Variants in ZNF532 observed in about 807,000 individuals in gnomAD.
ZNF532 encodes the protein zinc finger protein 532.
Under a neutral mutation model 89.3 loss-of-function variants are expected in ZNF532, and 22 were observed. That is an observed-to-expected ratio of 0.25 (90% CI 0.18 to 0.35). The LOEUF (loss-of-function observed/expected upper bound fraction) is 0.35. Among genes scored for constraint, ZNF532 ranks in the 10% least tolerant of loss-of-function variants. The pLI, the probability that ZNF532 is intolerant of heterozygous loss-of-function variation, is 1.00. For missense variants in ZNF532, 1,132 were observed against 1,643.4 expected, an observed-to-expected ratio of 0.69 and a Z score of 5.38; for synonymous variants, 606 against 649.6, an observed-to-expected ratio of 0.93 and a Z score of 1.02.
At chr18:58,926,223 A>G (rs1162660219) in intron 3 of ZNF532, 1 of 152,250 alleles carries the variant, frequency 6.6e-6, no homozygotes, top group Non-Finnish European at 1.5e-5. Flanking sequence ...GAACATGGGC[A>G]TAGATTCATC....
intron 5 of ZNF532, among the ~76,000 whole-genome samples, chr18:58,947,848 TA>T (rs1402640628): frequency 6.6e-6 from 1 of 152,256 alleles, no homozygotes; most frequent in Non-Finnish European, 1.5e-5. Context: ...TAAGTAAATG[TA>T]GCTGAATGCA....
chr18:58,935,620 AAATCT>A (rs1173619374), intron 4 of ZNF532, among the ~76,000 whole-genome samples: 3 of 149,128 alleles, frequency 2.0e-5, no homozygotes, highest in Admixed American at 1.3e-4. Context: ...AACATCTGGC[AAATCT>A]AATGTTAGCT....
intron 7 of ZNF532, among the ~76,000 whole-genome samples, chr18:58,956,244 T>G (rs1242905518): frequency 1.3e-5 from 2 of 152,184 alleles, no homozygotes; most frequent in African/African-American, 4.8e-5. Flanking sequence ...TTGGTTTTGA[T>G]GGAGATGTTC....
At chr18:58,885,293 GTTTT>G (rs1179523653) in intron 2 of ZNF532, among the ~76,000 whole-genome samples, 1 of 152,134 alleles carries the variant, frequency 6.6e-6, no homozygotes, top group East Asian at 1.9e-4. Flanking sequence ...TCAGCTGGGT[GTTTT>G]TTTGTTTTTG....
At position 58,984,341 on chromosome 18, in the gene ZNF532, G is replaced by A. The variant is rs374457805; in HGVS notation, c.3781G>A (p.Val1261Met). 6.8e-5 allele frequency: 109 copies of A among 1,611,944 alleles called. No individual in the cohort carries two copies. The South Asian group carries it at 9.3e-4, about 14-fold the overall frequency. ...SHEDESPDGA[V>M]SDRKCKVCAK... ...CGAGGATGAATCCCCTGATGGCGCC[G>A]TGTCAGACAGAAAGTGCAAAGTGTG... The change falls in exon 10 of 10, where the codon GTG (valine) becomes ATG (methionine). Residue 1261 changes from valine (V) to methionine (M), a missense_variant. Around this residue, in one of 9 missense-constraint regions of ZNF532, gnomAD observed 415 missense variants for 604.8 expected, o/e 0.69. Coordinates refer to ENST00000591808, the MANE Select transcript of ZNF532 (RefSeq NM_001375912.1).
chr18:58,884,426 A>G (rs1210338277), intron 2 of ZNF532, among the ~76,000 whole-genome samples: 2 of 152,232 alleles, frequency 1.3e-5, no homozygotes, highest in Non-Finnish European at 2.9e-5. Flanking sequence ...AGCAGCGACT[A>G]TTGCTGATAG....
intron 2 of ZNF532, among the ~76,000 whole-genome samples, chr18:58,881,757 A>G (rs919872199): frequency 6.6e-6 from 1 of 152,118 alleles, no homozygotes; most frequent in Non-Finnish European, 1.5e-5. Flanking sequence ...TATTTCTCCT[A>G]TTGTCAAGAG....
chr18:58,959,253 GTTTTTTGTTT>G (rs1343663061), intron 7 of ZNF532, among the ~76,000 whole-genome samples: 27 of 121,682 alleles, frequency 2.2e-4, no homozygotes, highest in South Asian at 1.4e-3. Context: ...TCAGTTTTTT[GTTTTTTGTTT>G]TTTTTTGTTT....
intron 2 of ZNF532, among the ~76,000 whole-genome samples, chr18:58,888,697 TTATATA>T (rs71336305): frequency 8.8e-5 from 4 of 45,336 alleles, no homozygotes; most frequent in African/African-American, 1.2e-4. Context: ...AAAAAAAAAA[TTATATA>T]TATATATATA....
intron 7 of ZNF532, among the ~76,000 whole-genome samples, chr18:58,958,574 T>G (rs1164657352): frequency 6.6e-6 from 1 of 152,238 alleles, no homozygotes; most frequent in Non-Finnish European, 1.5e-5. Context: ...ATTATTACAG[T>G]CTTCTATGGT....
intron 3 of ZNF532, among the ~76,000 whole-genome samples, chr18:58,931,267 A>G (rs2061943128): frequency 6.6e-6 from 1 of 152,158 alleles, no homozygotes; most frequent in Non-Finnish European, 1.5e-5. Context: ...CAGCTTGTGT[A>G]GTAGAGTGTT....
At chr18:58,920,693 T>A in intron 3 of ZNF532, 60 bp downstream of exon 3, 2 of 1,432,928 alleles carry the variant, frequency 1.4e-6, no homozygotes, top group Non-Finnish European at 1.9e-6. Flanking sequence ...GAGTGCTTGA[T>A]AAGATGCCCT....
chr18:58,882,330 G>A (rs1244205717), intron 2 of ZNF532, among the ~76,000 whole-genome samples: 1 of 152,164 alleles, frequency 6.6e-6, no homozygotes. Context: ...GTCTGGAGAG[G>A]AAGTACTGCC....
At chr18:58,904,869 C>A (rs2059829453) in intron 2 of ZNF532, among the ~76,000 whole-genome samples, 1 of 145,814 alleles carries the variant, frequency 6.9e-6, no homozygotes, top group African/African-American at 2.6e-5. Context: ...GAGACTGGGT[C>A]TCACTCTTGT....
In ZNF532 at chr18:58,879,633, C is replaced by T. The variant is rs544051712; in HGVS notation, c.-18+14054C>T. On this transcript the variant is annotated intron_variant, in intron 2 of 9. Coordinates refer to ENST00000591808, the MANE Select transcript of ZNF532 (RefSeq NM_001375912.1). ...CTCGAACTCCTGACATTGTGAGCCA[C>T]CTGCCCCAGCCTCCCAAAGCGCTGG... 1.9e-3 allele frequency among the ~76,000 whole-genome samples: 295 copies of T among 152,292 alleles called. 2 individuals are homozygous for T. Among genetic ancestry groups the T allele is most frequent in the Admixed American group, 3.8e-3 (58 of 15,296 alleles).
In ZNF532 at chr18:58,873,606, G is replaced by GC. The variant is rs138476720; in HGVS notation, c.-18+8029dup. Among the ~76,000 whole-genome samples, 401 of 152,128 alleles carry GC rather than the reference G, an allele frequency of 2.6e-3. 2 individuals carry two copies. The highest frequency in any genetic ancestry group is 9.3e-3 in the African/African-American group (385 of 41,500). ...TGGTATTAAAGGCGCCTGCCACCAT[G>GC]CCTGGCTCATTAATTTTTTGTAGTT... On this transcript the variant is annotated intron_variant, in intron 2 of 9. Coordinates refer to ENST00000591808, the MANE Select transcript of ZNF532 (RefSeq NM_001375912.1).
intron 3 of ZNF532, among the ~76,000 whole-genome samples, chr18:58,923,064 C>T (rs561051988): frequency 3.4e-4 from 52 of 152,166 alleles, no homozygotes; most frequent in African/African-American, 1.2e-3. Context: ...ACCCGTTTGA[C>T]GCGGAATCCC....
intron 7 of ZNF532, among the ~76,000 whole-genome samples, chr18:58,969,237 T>A (rs2066226132): frequency 6.6e-6 from 1 of 152,130 alleles, no homozygotes; most frequent in Non-Finnish European, 1.5e-5. Flanking sequence ...TCTTACTGCT[T>A]GGCAGGAGGA....
At chr18:58,869,921 C>T (rs2056834379) in intron 2 of ZNF532, among the ~76,000 whole-genome samples, 1 of 151,648 alleles carries the variant, frequency 6.6e-6, no homozygotes, top group Admixed American at 6.6e-5. Flanking sequence ...TGCGTGCCAC[C>T]ATGCCTGGCT....
Sources: gnomAD v4.1 joint callset for allele counts (sites outside exome capture counted in the v4.1 genomes callset) on GRCh38, gnomAD v4.1.1 for gene constraint, gnomAD v4.1.1 regional missense constraint, MANE v1.5 for transcripts, NCBI Gene and HGNC (gene_info 2026-07-23, HGNC 2026-07-21) for gene names.